ZBTB16: variants seen among roughly 807,000 people sequenced by gnomAD.
ZBTB16 encodes the protein zinc finger and BTB domain containing 16.
A neutral mutation model predicts 56.8 loss-of-function variants in ZBTB16; 8 were observed. The observed-to-expected ratio is 0.14, with a 90% confidence interval of 0.08 to 0.25. The LOEUF (loss-of-function observed/expected upper bound fraction) is 0.25, where lower values mean the gene tolerates loss of function less well. Among genes scored for constraint, ZBTB16 ranks in the 10% least tolerant of loss-of-function variants. The pLI is 1.00. For missense variants in ZBTB16, 625 were observed against 903.0 expected (o/e 0.69, Z 3.95); for synonymous variants, 363 against 368.5 (o/e 0.98, Z 0.17).
chr11:114,061,147 C>G (rs1054496346), intron 1 of ZBTB16, among the ~76,000 whole-genome samples: 9 of 137,908 alleles, frequency 6.5e-5, no homozygotes, highest in African/African-American at 2.5e-4. Flanking sequence ...TCGCTGGGAA[C>G]TGGGGGGGTG....
intron 4 of ZBTB16, among the ~76,000 whole-genome samples, chr11:114,227,549 AG>A (rs1944354997): frequency 6.6e-6 from 1 of 152,232 alleles, no homozygotes; most frequent in South Asian, 2.1e-4. Context: ...GTATAAGAGA[AG>A]TGAGGTCGCA....
intron 2 of ZBTB16, among the ~76,000 whole-genome samples, chr11:114,082,151 A>G (rs1424850512): frequency 6.6e-6 from 1 of 151,104 alleles, no homozygotes; most frequent in Non-Finnish European, 1.5e-5. Flanking sequence ...GCAGCTGTGC[A>G]TGCCCATAAT....
In ZBTB16 at chr11:114,202,349, G is replaced by A. The variant is rs539337174; in HGVS notation, c.1453+15311G>A. ...GAGCTTGGAATACAAAACTGCCCTC[G>A]AGAAATAACGGGGTGTTTGCTCCCT... On this transcript the variant is annotated intron_variant, in intron 4 of 6. Coordinates refer to ENST00000335953, the MANE Select transcript of ZBTB16 (RefSeq NM_006006.6). Among the ~76,000 whole-genome samples the A allele has an allele frequency of 2.6e-5, 4 of 152,282 alleles. 1 individual carries two copies. Among genetic ancestry groups the A allele is most frequent in the African/African-American group, 7.2e-5 (3 of 41,558 alleles).
intron 4 of ZBTB16, among the ~76,000 whole-genome samples, chr11:114,208,376 C>T (rs976885231): frequency 6.6e-6 from 1 of 152,044 alleles, no homozygotes; most frequent in Non-Finnish European, 1.5e-5. Flanking sequence ...AGGTGAAGGA[C>T]CTTGGAAGAG....
chr11:114,125,451 A>G (rs1301154010), intron 2 of ZBTB16, among the ~76,000 whole-genome samples: 2 of 152,148 alleles, frequency 1.3e-5, no homozygotes, highest in African/African-American at 2.4e-5. Flanking sequence ...GCTGTGGCCC[A>G]TGGAGTTGAG....
chr11:114,233,462 A>AG (rs1303780809), intron 4 of ZBTB16, among the ~76,000 whole-genome samples: 1 of 152,072 alleles, frequency 6.6e-6, no homozygotes, highest in Non-Finnish European at 1.5e-5. Context: ...TTCCTGCCAG[A>AG]GGCCCCTGCA....
intron 2 of ZBTB16, among the ~76,000 whole-genome samples, chr11:114,098,541 TAAA>T (rs5794903): frequency 9.7e-5 from 14 of 143,988 alleles, no homozygotes; most frequent in Non-Finnish European, 9.0e-5. Context: ...TGACTTAAAT[TAAA>T]AAAAAAAAAA....
intron 4 of ZBTB16, among the ~76,000 whole-genome samples, chr11:114,204,135 G>A (rs1943797874): frequency 6.6e-6 from 1 of 151,344 alleles, no homozygotes; most frequent in East Asian, 1.9e-4. Flanking sequence ...AAAGAAATAT[G>A]TTCTCTGTGT....
intron 2 of ZBTB16, among the ~76,000 whole-genome samples, chr11:114,142,356 GTTAATT>G (rs1941974880): frequency 6.6e-6 from 1 of 152,176 alleles, no homozygotes; most frequent in Admixed American, 6.5e-5. Context: ...GTACCCTTTA[GTTAATT>G]GCACAACGGA....
chr11:114,107,121 G>A (rs1031445659), intron 2 of ZBTB16, among the ~76,000 whole-genome samples: 1 of 152,096 alleles, frequency 6.6e-6, no homozygotes, highest in African/African-American at 2.4e-5. Flanking sequence ...CCAGGGCCCT[G>A]GTGATCGCTC....
At chr11:114,151,892 G>A (rs1489837256) in intron 2 of ZBTB16, among the ~76,000 whole-genome samples, 5 of 152,222 alleles carry the variant, frequency 3.3e-5, no homozygotes, top group Admixed American at 2.6e-4. Flanking sequence ...CTGAAGGTAG[G>A]GAGGATGGAG....
intron 4 of ZBTB16, among the ~76,000 whole-genome samples, chr11:114,213,112 C>T (rs914451003): frequency 6.6e-6 from 1 of 152,060 alleles, no homozygotes; most frequent in African/African-American, 2.4e-5. Context: ...CAGGACACCT[C>T]AGTCCACTGT....
At chr11:114,067,466 G>A (rs1056147798) in intron 2 of ZBTB16, among the ~76,000 whole-genome samples, 3 of 152,118 alleles carry the variant, frequency 2.0e-5, no homozygotes, top group African/African-American at 7.2e-5. Context: ...CAGTGCAGTG[G>A]CATGATCTTG....
intron 4 of ZBTB16, among the ~76,000 whole-genome samples, chr11:114,237,492 C>A (rs897485244): frequency 1.3e-5 from 2 of 152,220 alleles, no homozygotes; most frequent in Non-Finnish European, 2.9e-5. Flanking sequence ...TAGCAGAGGA[C>A]GGAACCCAGG....
intron 2 of ZBTB16, among the ~76,000 whole-genome samples, chr11:114,132,449 A>G (rs1310259090): frequency 2.6e-5 from 4 of 152,218 alleles, no homozygotes; most frequent in Non-Finnish European, 5.9e-5. Flanking sequence ...AATGTCTGTC[A>G]GTAGGGACAA....
chr11:114,083,569 G>A (rs548655465), intron 2 of ZBTB16, among the ~76,000 whole-genome samples: 1 of 152,120 alleles, frequency 6.6e-6, no homozygotes, highest in South Asian at 2.1e-4. Context: ...CTAGCACTGT[G>A]CCCTCTCCCC....
At chr11:114,070,760 G>A (rs1277207987) in intron 2 of ZBTB16, among the ~76,000 whole-genome samples, 1 of 152,196 alleles carries the variant, frequency 6.6e-6, no homozygotes, top group African/African-American at 2.4e-5. Flanking sequence ...GTCAGGTGTA[G>A]CTTCTCTTAG....
chr11:114,224,499 G>A (rs989581006), intron 4 of ZBTB16, among the ~76,000 whole-genome samples: 6 of 152,182 alleles, frequency 3.9e-5, no homozygotes, highest in Non-Finnish European at 1.5e-5. Flanking sequence ...TGCCTAGGAG[G>A]CATGTGGGTA....
At chr11:114,128,392 G>T (rs1248822118) in intron 2 of ZBTB16, among the ~76,000 whole-genome samples, 1 of 152,236 alleles carries the variant, frequency 6.6e-6, no homozygotes, top group Non-Finnish European at 1.5e-5. Flanking sequence ...GCACAGTGGG[G>T]TGAAGTGAAG....
Sources: allele counts gnomAD v4.1 joint callset (sites outside exome capture counted in the v4.1 genomes callset), GRCh38; gene constraint gnomAD v4.1.1; transcripts MANE v1.5; gene names NCBI Gene and HGNC (gene_info 2026-07-23, HGNC 2026-07-21).